Variants in ZFYVE1 observed in about 807,000 individuals in gnomAD.
The protein encoded by ZFYVE1 is zinc finger FYVE-type containing 1, also known as zinc finger FYVE domain-containing protein 1.
In ZFYVE1, 30 loss-of-function variants were observed where a neutral mutation model predicts 74.4. That is an observed-to-expected ratio of 0.40 (90% CI 0.30 to 0.55). The LOEUF is 0.55. ZFYVE1 is among the 20% of genes least tolerant of loss of function. ZFYVE1 has a pLI of 0.42. For missense variants in ZFYVE1, 703 were observed against 1,011.6 expected (o/e 0.69, Z 4.14); for synonymous variants, 335 against 385.1 (o/e 0.87, Z 1.52).
intron 2 of ZFYVE1, among the ~76,000 whole-genome samples, chr14:73,003,521 A>G (rs888285060): frequency 3.3e-5 from 5 of 152,152 alleles, no homozygotes; most frequent in Non-Finnish European, 5.9e-5. Context: ...AGACTACCTT[A>G]AGCAACATAG....
At position 72,998,317 on chromosome 14, in the gene ZFYVE1, T is replaced by TG; in HGVS notation, c.484-3dup. 7.9e-7 allele frequency: 1 copy of TG among 1,266,088 alleles called. No individual in the cohort carries two copies. The highest frequency in any genetic ancestry group is 1.0e-6 in the Non-Finnish European group (1 of 993,560). The allele number at this position is 1,266,088 out of a possible 1,614,324, so 78.4% of individuals were successfully genotyped here. ...AATAAAGTCTTCTTCATTTGTTACC[T>TG]GCAAAAAAAAAAAAAAAGACCATGA... On this transcript the variant is annotated splice_region_variant and splice_polypyrimidine_tract_variant and intron_variant, in intron 2 of 11. Transcript: ENST00000556143.
At chr14:73,000,350 C>T (rs910696152) in intron 2 of ZFYVE1, among the ~76,000 whole-genome samples, 1 of 151,910 alleles carries the variant, frequency 6.6e-6, no homozygotes, top group African/African-American at 2.4e-5. Flanking sequence ...GCCTATAATC[C>T]CAGTACTTTG....
rs759001402 is a variant in ZFYVE1, at chr14:72,975,755, G to C, written c.1636-34C>G. ...AAAACGCAGGCTTCCATCATGCTCTGAGAAGGGAGTGAAAGGAAGGAGGAA... is the reference window on the plus strand; with the variant it reads ...AAAACGCAGGCTTCCATCATGCTCTCAGAAGGGAGTGAAAGGAAGGAGGAA... On this transcript the variant is annotated intron_variant, in intron 8 of 11. Transcript: ENST00000556143. This position sits in a 1 kb window ranked among gnomAD's most constrained non-coding sequence, Gnocchi z 4.1. The C allele has an allele frequency of 1.9e-6, 3 of 1,606,970 alleles. No homozygotes were observed. Among genetic ancestry groups the C allele is most frequent in the East Asian group, 4.5e-5 (2 of 44,862 alleles).
At chr14:73,006,013 C>T (rs1893970491) in intron 2 of ZFYVE1, among the ~76,000 whole-genome samples, 1 of 151,998 alleles carries the variant, frequency 6.6e-6, no homozygotes, top group South Asian at 2.1e-4. Flanking sequence ...GTTCCGCCTC[C>T]CCGGTTCAGG....
At chr14:72,974,034 C>T in intron 11 of ZFYVE1, 46 bp downstream of exon 11, 1 of 1,587,598 alleles carries the variant, frequency 6.3e-7, no homozygotes, top group Non-Finnish European at 8.6e-7. Flanking sequence ...CCTGAAACCC[C>T]TCAACCCGCA....
chr14:72,998,436 A>G (rs893046980), intron 2 of ZFYVE1, 121 bp from the exon 3 acceptor site: 27 of 954,896 alleles, frequency 2.8e-5, no homozygotes, highest in African/African-American at 4.9e-5. Flanking sequence ...AAAGGAAGTC[A>G]CAGGATAATA....
At chr14:73,005,217 A>T (rs571117345) in intron 2 of ZFYVE1, among the ~76,000 whole-genome samples, 2 of 152,210 alleles carry the variant, frequency 1.3e-5, no homozygotes, top group East Asian at 3.9e-4. Flanking sequence ...AGGTGGTAGC[A>T]AGACCGGTTT....
intron 2 of ZFYVE1, among the ~76,000 whole-genome samples, chr14:73,015,964 C>T (rs540597310): frequency 4.0e-5 from 6 of 150,676 alleles, no homozygotes; most frequent in East Asian, 1.9e-4. Flanking sequence ...AACACAAGAA[C>T]GAAGAAAAAC....
At chr14:72,992,630 T>TCCCCCCCCCCCCCC (rs1324391955) in intron 4 of ZFYVE1, among the ~76,000 whole-genome samples, 1 of 55,308 alleles carries the variant, frequency 1.8e-5, no homozygotes, top group Non-Finnish European at 4.2e-5. Flanking sequence ...CCCCGCCCCT[T>TCCCCCCCCCCCCCC]GCAAGAGAGA....
At chr14:73,011,268 C>G (rs955424449) in intron 2 of ZFYVE1, among the ~76,000 whole-genome samples, 47 of 151,754 alleles carry the variant, frequency 3.1e-4, no homozygotes, top group Non-Finnish European at 1.5e-5. Flanking sequence ...GTAGATCACT[C>G]GAGGCCAGGA....
At chr14:72,992,988 C>T (rs903261366) in intron 4 of ZFYVE1, among the ~76,000 whole-genome samples, 155 bp downstream of exon 4, 1 of 152,074 alleles carries the variant, frequency 6.6e-6, no homozygotes, top group Non-Finnish European at 1.5e-5. Context: ...ATGAAAGCAT[C>T]TGACAGGTGC....
chr14:72,971,219 C>T (rs550314592), intron 11 of ZFYVE1, 105 bp from the exon 12 acceptor site: 58 of 1,134,494 alleles, frequency 5.1e-5, no homozygotes, highest in African/African-American at 5.1e-4. Flanking sequence ...CCCAACTGCA[C>T]ACAGAATTGC....
chr14:72,972,770 C>T (rs1162740120), intron 11 of ZFYVE1, among the ~76,000 whole-genome samples: 9 of 150,346 alleles, frequency 6.0e-5, no homozygotes, highest in South Asian at 2.1e-4. Flanking sequence ...TGCAGTGGTG[C>T]GATCTCGCCT....
rs376441642 is a variant in ZFYVE1 at position 72,997,794 on chromosome 14, T to A, written c.988+17A>T. ...ACCCATAAAGGTTGAGCTGTGACAC[T>A]GTACCCCATCTCTCACCAGAGCCCA... On this transcript the variant is annotated intron_variant, in intron 3 of 11. Transcript: ENST00000556143. 5.1e-6 allele frequency: 8 copies of A among 1,565,844 alleles called. No individual in the cohort carries two copies. The highest frequency in any genetic ancestry group is 7.0e-6 in the Non-Finnish European group (8 of 1,150,704).
At chr14:72,971,193 C>T in intron 11 of ZFYVE1, 79 bp from the exon 12 acceptor site, 1 of 1,425,918 alleles carries the variant, frequency 7.0e-7, no homozygotes, top group Admixed American at 1.9e-5. Flanking sequence ...TCCTCGGATG[C>T]TTACTGGCTT....
chr14:73,005,733 C>T (rs868727684), intron 2 of ZFYVE1, among the ~76,000 whole-genome samples: 1 of 152,132 alleles, frequency 6.6e-6, no homozygotes, highest in African/African-American at 2.4e-5. Flanking sequence ...GCACTCGATA[C>T]GTGAACCATT....
intron 2 of ZFYVE1, among the ~76,000 whole-genome samples, chr14:73,010,012 T>C (rs1894055461): frequency 6.6e-6 from 1 of 151,726 alleles, no homozygotes; most frequent in African/African-American, 2.4e-5. Flanking sequence ...GAGGCTGATG[T>C]GGGAGGATTG....
At chr14:73,007,971 A>G (rs775496856) in intron 2 of ZFYVE1, among the ~76,000 whole-genome samples, 7 of 152,202 alleles carry the variant, frequency 4.6e-5, no homozygotes, top group African/African-American at 1.4e-4. Flanking sequence ...TCACAAACAC[A>G]CTGAGCACAT....
chr14:72,995,095 A>C (rs986800230), intron 3 of ZFYVE1, among the ~76,000 whole-genome samples: 3 of 151,822 alleles, frequency 2.0e-5, no homozygotes, highest in Admixed American at 1.3e-4. Flanking sequence ...TACTTACTTA[A>C]TTACTTACTT....
Sources: allele counts gnomAD v4.1 joint callset (sites outside exome capture counted in the v4.1 genomes callset), GRCh38; gene constraint gnomAD v4.1.1; non-coding constraint Gnocchi (gnomAD v3.1); transcripts MANE v1.5; gene names NCBI Gene and HGNC (gene_info 2026-07-23, HGNC 2026-07-21).